Variants in DPPA4 observed in about 807,000 individuals in gnomAD.
DPPA4 encodes developmental pluripotency associated 4.
DPPA4 carries 22 observed loss-of-function variants against 33.7 expected under a neutral mutation model. That is an observed-to-expected ratio of 0.65 (90% CI 0.47 to 0.93). DPPA4 has a LOEUF of 0.93. Ranked by LOEUF, DPPA4 falls within the 40% of genes least tolerant of loss-of-function variation. The pLI, the probability that DPPA4 is intolerant of heterozygous loss-of-function variation, is 0.00. For synonymous variants in DPPA4, 156 were observed against 132.3 expected, an observed-to-expected ratio of 1.18 and a Z score of -1.23; for missense variants, 340 against 358.6, an observed-to-expected ratio of 0.95 and a Z score of 0.42.
chr3:109,336,188 T>C (rs1317714853), intron 1 of DPPA4: 1 of 152,022 alleles, frequency 6.6e-6, no homozygotes, highest in African/African-American at 2.4e-5. Context: ...CTCCTAAATC[T>C]AAATCCTTTT....
At chr3:109,337,431 G>A (rs3749235) in intron 1 of DPPA4, 33 bp downstream of exon 1, 1 of 1,604,888 alleles carries the variant, frequency 6.2e-7, no homozygotes, top group Non-Finnish European at 8.5e-7. Context: ...CACAAAGACA[G>A]ACAGAAAACA....
chr3:109,332,162 C>T (rs6791602), intron 2 of DPPA4, 131 bp from the exon 3 acceptor site: 171,579 of 754,438 alleles, frequency 0.23, 22,909 homozygotes, highest in Non-Finnish European at 0.28. Flanking sequence ...AGTGCAGTGG[C>T]GCGATCTTGG....
intron 6 of DPPA4, among the ~76,000 whole-genome samples, chr3:109,328,409 TCA>T (rs1707982850): frequency 6.6e-6 from 1 of 152,164 alleles, no homozygotes; most frequent in African/African-American, 2.4e-5. Context: ...AATCACACAT[TCA>T]CATACTTCCT....
At chr3:109,337,925 A>C (rs967614822), upstream of DPPA4, among the ~76,000 whole-genome samples, 1 of 152,242 alleles carries the variant, frequency 6.6e-6, no homozygotes, top group Non-Finnish European at 1.5e-5. Context: ...TTCAGAGACC[A>C]GACTGGCGGC....
intron 2 of DPPA4, chr3:109,333,650 C>A (rs2107348639): frequency 2.7e-6 from 1 of 366,840 alleles, no homozygotes; most frequent in Non-Finnish European, 4.8e-6. Context: ...TCAGCAGAAC[C>A]AAATATGCTG....
chr3:109,335,884 G>A (rs1007285047), intron 1 of DPPA4, among the ~76,000 whole-genome samples: 14 of 151,898 alleles, frequency 9.2e-5, no homozygotes, highest in African/African-American at 3.1e-4. Context: ...TAGGCTCCGT[G>A]GCTCACGCCT....
chr3:109,330,293 A>T, intron 5 of DPPA4: 2 of 428,020 alleles, frequency 4.7e-6, no homozygotes, highest in South Asian at 4.4e-5. Context: ...CAAGGGAGAA[A>T]CTGTCTCAAA....
At chr3:109,331,686 A>G (rs781050306) in intron 4 of DPPA4, 48 bp downstream of exon 4, 45 of 1,583,942 alleles carry the variant, frequency 2.8e-5, no homozygotes, top group Non-Finnish European at 3.4e-5. Context: ...TGAGGCTACA[A>G]TAGGTAATTA....
intron 2 of DPPA4, chr3:109,333,423 T>C (rs555266226): frequency 3.0e-5 from 5 of 164,442 alleles, no homozygotes; most frequent in South Asian, 3.5e-4. Context: ...TCTGTACATA[T>C]TACTTCTCAG....
upstream of DPPA4, among the ~76,000 whole-genome samples, chr3:109,338,305 T>G (rs967544101): frequency 6.6e-6 from 1 of 152,184 alleles, no homozygotes; most frequent in Non-Finnish European, 1.5e-5. Context: ...ATGACTAAAG[T>G]TGGTATAAAT....
In DPPA4 at chr3:109,337,462, A is replaced by T; in HGVS notation, c.54+2T>A. The stretch of plus-strand genomic sequence containing the variant: ...AAACAAATCCACTAAAACTGTACTG[A>T]CCTCCTTGCCTTTTGCCTTCTCCAT... On this transcript the variant is annotated splice_donor_variant, in intron 1 of 6. Transcript: ENST00000335658. LOFTEE classifies it high-confidence loss of function. 6.2e-7 allele frequency: 1 copy of T among 1,613,422 alleles called. No homozygotes were observed. Among genetic ancestry groups the T allele is most frequent in the Non-Finnish European group, 8.5e-7 (1 of 1,179,514 alleles).
At chr3:109,333,670 G>C in intron 2 of DPPA4, 200 bp downstream of exon 2, 1 of 445,708 alleles carries the variant, frequency 2.2e-6, no homozygotes, top group South Asian at 3.8e-5. Flanking sequence ...GTGGAAGTCT[G>C]AAGATAGGAA....
chr3:109,328,427 G>A (rs1707983268), intron 6 of DPPA4, among the ~76,000 whole-genome samples: 1 of 152,154 alleles, frequency 6.6e-6, no homozygotes. Flanking sequence ...TTCCTCCTGT[G>A]GGAGATGGTC....
intron 4 of DPPA4, among the ~76,000 whole-genome samples, chr3:109,331,366 G>C (rs958531972): frequency 1.6e-4 from 24 of 150,110 alleles, no homozygotes; most frequent in African/African-American, 5.8e-4. Flanking sequence ...GTTCACGCCT[G>C]TAATCCCAGC....
intron 1 of DPPA4, among the ~76,000 whole-genome samples, chr3:109,335,582 C>T (rs1708176374): frequency 1.3e-5 from 2 of 151,950 alleles, no homozygotes; most frequent in East Asian, 2.0e-4. Context: ...CGCCTGCCAC[C>T]ACACCCGGCT....
chr3:109,333,135 G>A (rs1708116743), intron 2 of DPPA4, among the ~76,000 whole-genome samples: 1 of 152,068 alleles, frequency 6.6e-6, no homozygotes, highest in African/African-American at 2.4e-5. Context: ...GAGGCCAAGA[G>A]TTTGCAATCA....
Position 109,327,963 on chromosome 3 carries a change from T to G in DPPA4, c.*25A>C, listed in dbSNP as rs140947545. 557 of 1,518,366 alleles carry G rather than the reference T, an allele frequency of 3.7e-4. 4 individuals carry two copies. In the East Asian group the frequency reaches 0.01, roughly 28 times the overall value. 94.1% of individuals were successfully genotyped at this position (1,518,366 alleles called of 1,614,324 possible). ...CCAGCTTTTCTGCCATTAATTACCA[T>G]AGATGTGGCCTTTTTCCTGATATTC... is the stretch of plus-strand genomic sequence containing the variant. On this transcript the variant is annotated 3_prime_UTR_variant, in exon 7 of 7. Coordinates refer to ENST00000335658, the MANE Select transcript of DPPA4 (RefSeq NM_018189.4).
At position 109,330,504 on chromosome 3, in the gene DPPA4, G is replaced by GC. The variant is rs1708044272; in HGVS notation, c.679+19dup. On this transcript the variant is annotated intron_variant, in intron 5 of 6. Coordinates refer to ENST00000335658, the MANE Select transcript of DPPA4 (RefSeq NM_018189.4). ...TTATTTCCCCATTGGACCAGAATAA[G>GC]CTCTTCATGTTGCGCTTACCAGAGG... The GC allele has an allele frequency of 1.2e-6, 2 of 1,613,644 alleles. No homozygotes were observed. Among genetic ancestry groups the GC allele is most frequent in the Non-Finnish European group, 1.7e-6 (2 of 1,179,710 alleles).
At position 109,330,588 on chromosome 3, in the gene DPPA4, G is replaced by T. The variant is rs143598626; in HGVS notation, c.615C>A (p.Ser205=). The T allele has an allele frequency of 2.4e-5, 39 of 1,614,126 alleles. No individual in the cohort carries two copies. The African/African-American group carries it at 4.9e-4, about 20-fold the overall frequency. The change falls in exon 5 of 7, where the codon TCC becomes TCA. Residue 205 remains serine (S), a synonymous_variant. Transcript: ENST00000335658. The stretch of plus-strand genomic sequence containing the variant: ...TCGCCCTGGCTGAAATTCTCGCCCA[G>T]GAGGCCAGCAAAGCCTCTGGGGCAG... The part of the protein sequence containing the change: ...TTSAPEALLA[S]WARISARART...
Sources: allele counts gnomAD v4.1 joint callset (sites outside exome capture counted in the v4.1 genomes callset), GRCh38; gene constraint gnomAD v4.1.1; transcripts MANE v1.5; gene names NCBI Gene and HGNC (gene_info 2026-07-23, HGNC 2026-07-21).